Variants in RNF220 observed in about 807,000 individuals in gnomAD.
The protein encoded by RNF220 is ring finger protein 220, also known as E3 ubiquitin-protein ligase RNF220.
Under a neutral mutation model 67.1 loss-of-function variants are expected in RNF220, and 7 were observed. The observed-to-expected ratio is 0.10, with a 90% CI of 0.06 to 0.20. The LOEUF is 0.20. Ranked by LOEUF, RNF220 falls within the 10% of genes least tolerant of loss-of-function variation. RNF220 has a pLI of 1.00. For missense variants in RNF220, 565 were observed against 740.3 expected (o/e 0.76, Z 2.75); for synonymous variants, 270 against 283.2 (o/e 0.95, Z 0.47).
At chr1:44,507,279 G>T (rs1218711525) in intron 2 of RNF220, among the ~76,000 whole-genome samples, 1 of 152,080 alleles carries the variant, frequency 6.6e-6, no homozygotes. Flanking sequence ...GGCTACAATG[G>T]AGGGGACAAC....
At position 44,649,127 on chromosome 1, in the gene RNF220, C is replaced by T. The variant is rs774727507; in HGVS notation, c.1446-534C>T. The T allele has an allele frequency of 2.7e-4, 46 of 167,546 alleles. No homozygotes were observed. The highest frequency in any genetic ancestry group is 3.3e-4 in the Non-Finnish European group (25 of 76,876). 10.4% of individuals were successfully genotyped at this position (167,546 alleles called of 1,614,324 possible). On this transcript the variant is annotated intron_variant, in intron 12 of 14. Coordinates refer to ENST00000361799, the MANE Select transcript of RNF220 (RefSeq NM_018150.4). This position sits in a 1 kb window ranked among gnomAD's most constrained non-coding sequence, Gnocchi z 5.9. Reference sequence around the variant, plus strand: ...CGTGGCAAGGTCCTCAGGGGTACGGCGGGCTGGGGCTGGACCAAGGAGTGT... The same window carrying T: ...CGTGGCAAGGTCCTCAGGGGTACGGTGGGCTGGGGCTGGACCAAGGAGTGT...
chr1:44,645,690 A>C lies in RNF220; in HGVS notation c.1445+202A>C, dbSNP rs1483979723. Among the ~76,000 whole-genome samples, 1 of 152,192 alleles carries C rather than the reference A, an allele frequency of 6.6e-6. No individual in the cohort carries two copies. Among genetic ancestry groups the C allele is most frequent in the Non-Finnish European group, 1.5e-5 (1 of 68,034 alleles). On this transcript the variant is annotated intron_variant, in intron 12 of 14. Coordinates refer to ENST00000361799, the MANE Select transcript of RNF220 (RefSeq NM_018150.4). This position sits in a 1 kb window ranked among gnomAD's most constrained non-coding sequence, Gnocchi z 5.0. ...ATTGATCACTGGGCCACGGCCCCAG[A>C]AGCCTTGGCGGTGGGAGGAGCAGTC...
intron 2 of RNF220, among the ~76,000 whole-genome samples, chr1:44,602,207 G>C (rs1007684701): frequency 1.3e-5 from 2 of 152,154 alleles, no homozygotes; most frequent in South Asian, 4.1e-4. Flanking sequence ...TTCGGGGAGA[G>C]AGGCAAGTGT....
intron 2 of RNF220, among the ~76,000 whole-genome samples, chr1:44,453,535 T>G (rs547857531): frequency 8.5e-5 from 13 of 152,200 alleles, no homozygotes; most frequent in African/African-American, 3.1e-4. Flanking sequence ...TATATATAAC[T>G]TTTTGAAGGA....
At chr1:44,636,637 C>G (rs1644340182) in intron 8 of RNF220, 2 of 586,380 alleles carry the variant, frequency 3.4e-6, no homozygotes, top group Admixed American at 6.0e-5. Flanking sequence ...AAATCAGTTA[C>G]AGAGGAGAGT....
chr1:44,650,845 C>CT lies in RNF220; in HGVS notation c.*71dup. ...CCCCAGCCTCTGTGACAGTGACCGT[C>CT]TCCCTTTGTACATACTTGCACACAG... On this transcript the variant is annotated 3_prime_UTR_variant, in exon 15 of 15. Coordinates refer to ENST00000361799, the MANE Select transcript of RNF220 (RefSeq NM_018150.4). The surrounding 1 kb of genome is among the most constrained non-coding windows in gnomAD (Gnocchi z 4.3). 1 of 1,424,484 alleles carries CT rather than the reference C, an allele frequency of 7.0e-7. No individual in the cohort carries two copies. Among genetic ancestry groups the CT allele is most frequent in the Non-Finnish European group, 9.9e-7 (1 of 1,015,124 alleles). The allele number at this position is 1,424,484 out of a possible 1,614,324, so 88.2% of individuals were successfully genotyped here.
chr1:44,542,582 C>A (rs1022304010), intron 2 of RNF220, among the ~76,000 whole-genome samples: 3 of 152,166 alleles, frequency 2.0e-5, no homozygotes, highest in African/African-American at 7.2e-5. Context: ...GCTAGGGTTC[C>A]AGGAAGAGAG....
chr1:44,534,255 C>T (rs983689857), intron 2 of RNF220, among the ~76,000 whole-genome samples: 5 of 152,028 alleles, frequency 3.3e-5, no homozygotes, highest in African/African-American at 1.2e-4. Flanking sequence ...GTTGGGATTA[C>T]AGGTGTGAGC....
At chr1:44,464,193 G>A (rs1890948) in intron 2 of RNF220, among the ~76,000 whole-genome samples, 46,747 of 152,036 alleles carry the variant, frequency 0.31, 7,378 homozygotes, top group Middle Eastern at 0.41. Context: ...GATGATGGAT[G>A]TATATTTCTT....
intron 2 of RNF220, among the ~76,000 whole-genome samples, chr1:44,506,471 G>A (rs905474006): frequency 6.6e-6 from 1 of 152,254 alleles, no homozygotes; most frequent in Admixed American, 6.5e-5. Flanking sequence ...CAGGGGTGGG[G>A]TGAGGGCCTC....
chr1:44,517,070 CT>C (rs1659509851), intron 2 of RNF220, among the ~76,000 whole-genome samples: 1 of 152,172 alleles, frequency 6.6e-6, no homozygotes, highest in Non-Finnish European at 1.5e-5. Context: ...CCTCTAAATC[CT>C]ATCTCAAATG....
At chr1:44,562,252 G>A (rs1417403137) in intron 2 of RNF220, among the ~76,000 whole-genome samples, 1 of 152,168 alleles carries the variant, frequency 6.6e-6, no homozygotes, top group African/African-American at 2.4e-5. Context: ...CAACCAGAAG[G>A]TGTCCATTTC....
intron 2 of RNF220, among the ~76,000 whole-genome samples, chr1:44,550,348 T>A (rs1662530030): frequency 6.6e-6 from 1 of 152,206 alleles, no homozygotes; most frequent in Non-Finnish European, 1.5e-5. Context: ...GACATCCCCT[T>A]GGAGGAGCCT....
intron 2 of RNF220, among the ~76,000 whole-genome samples, chr1:44,520,739 G>A (rs1181097749): frequency 1.3e-5 from 2 of 152,102 alleles, no homozygotes; most frequent in African/African-American, 4.8e-5. Flanking sequence ...TTTCTCATCT[G>A]TTTCCTAAAC....
chr1:44,422,304 A>G (rs1649311784), intron 2 of RNF220, among the ~76,000 whole-genome samples: 1 of 152,194 alleles, frequency 6.6e-6, no homozygotes, highest in Non-Finnish European at 1.5e-5. Flanking sequence ...GTTAGGGCCT[A>G]GGCTTCAGCT....
intron 2 of RNF220, among the ~76,000 whole-genome samples, chr1:44,602,261 G>A (rs567117392): frequency 6.6e-6 from 1 of 152,196 alleles, no homozygotes; most frequent in African/African-American, 2.4e-5. Context: ...AACTGACAAG[G>A]TGGGCTGTAG....
At chr1:44,452,919 A>C (rs1330411552) in intron 2 of RNF220, among the ~76,000 whole-genome samples, 1 of 152,240 alleles carries the variant, frequency 6.6e-6, no homozygotes, top group Non-Finnish European at 1.5e-5. Flanking sequence ...TTTTGATCAG[A>C]AACTCATTAA....
At chr1:44,439,314 T>A (rs955882516) in intron 2 of RNF220, among the ~76,000 whole-genome samples, 1 of 152,184 alleles carries the variant, frequency 6.6e-6, no homozygotes, top group Non-Finnish European at 1.5e-5. Context: ...AAACATTTTT[T>A]AAAACACTTA....
intron 2 of RNF220, among the ~76,000 whole-genome samples, chr1:44,446,629 G>A (rs1266276396): frequency 6.7e-6 from 1 of 149,750 alleles, no homozygotes; most frequent in Admixed American, 6.7e-5. Context: ...GCGTGATCTC[G>A]GCTCACTGCA....
Sources: gnomAD v4.1 joint callset for allele counts (sites outside exome capture counted in the v4.1 genomes callset) on GRCh38, gnomAD v4.1.1 for gene constraint, Gnocchi (gnomAD v3.1) non-coding constraint, MANE v1.5 for transcripts, NCBI Gene and HGNC (gene_info 2026-07-23, HGNC 2026-07-21) for gene names.